VSTM2B: variants seen among roughly 807,000 people sequenced by gnomAD.
The protein encoded by VSTM2B is V-set and transmembrane domain-containing protein 2B.
Under a neutral mutation model 24.0 loss-of-function variants are expected in VSTM2B, and 24 were observed. That is an observed-to-expected ratio of 1.00 (90% CI 0.72 to 1.40). The LOEUF is 1.40. Ranked by LOEUF, VSTM2B falls within the 40% of genes most tolerant of loss-of-function variation. VSTM2B has a pLI of 0.00. For synonymous variants in VSTM2B, 226 were observed against 194.4 expected, an observed-to-expected ratio of 1.16 and a Z score of -1.35; for missense variants, 399 against 416.4, an observed-to-expected ratio of 0.96 and a Z score of 0.36.
At chr19:29,541,702 G>T (rs1285107145) in intron 4 of VSTM2B, among the ~76,000 whole-genome samples, 1 of 151,706 alleles carries the variant, frequency 6.6e-6, no homozygotes, top group East Asian at 1.9e-4. Flanking sequence ...AAGTTGATGG[G>T]TAGTTGGGTG....
At chr19:29,562,709 C>A (rs746587369) in intron 4 of VSTM2B, among the ~76,000 whole-genome samples, 1 of 152,226 alleles carries the variant, frequency 6.6e-6, no homozygotes, top group Non-Finnish European at 1.5e-5. Context: ...CTGGAGGGAG[C>A]ATCCCACTTT....
chr19:29,547,352 T>G (rs1216489430), intron 4 of VSTM2B, among the ~76,000 whole-genome samples: 1 of 152,218 alleles, frequency 6.6e-6, no homozygotes, highest in Non-Finnish European at 1.5e-5. Flanking sequence ...GGAGTAAAAG[T>G]AACTCCTGCC....
intron 4 of VSTM2B, among the ~76,000 whole-genome samples, chr19:29,555,610 T>C (rs896845387): frequency 1.3e-5 from 2 of 152,078 alleles, no homozygotes; most frequent in Admixed American, 6.5e-5. Flanking sequence ...AAAAAATTAA[T>C]GAATCCAGGA....
chr19:29,546,747 G>A (rs995459607), intron 4 of VSTM2B, among the ~76,000 whole-genome samples: 1 of 151,940 alleles, frequency 6.6e-6, no homozygotes, highest in Non-Finnish European at 1.5e-5. Flanking sequence ...TGACCACAGA[G>A]TAAAGGCCTG....
At position 29,530,124 on chromosome 19, in the gene VSTM2B, C is replaced by A. The variant is rs1370722942; in HGVS notation, c.603C>A (p.Ser201Arg). The A allele has an allele frequency of 1.4e-6, 2 of 1,446,016 alleles. No individual in the cohort carries two copies. The highest frequency in any genetic ancestry group is 1.5e-5 in the African/African-American group (1 of 67,214). 89.6% of individuals were successfully genotyped at this position (1,446,016 alleles called of 1,614,324 possible). Reference sequence around the variant, plus strand: ...CCGAGCCCGGCCGCGGCGACAAGAGCCCGCCGCCCGGGAGCCCTCCCGCCG... The same window carrying A: ...CCGAGCCCGGCCGCGGCGACAAGAGACCGCCGCCCGGGAGCCCTCCCGCCG... ...TTSEPGRGDK[S>R]PPPGSPPAAI... Residue 201 changes from serine (S) to arginine (R), a missense_variant, in exon 4 of 5, where the codon AGC (serine) becomes AGA (arginine). Ser to Arg is a moderately radical substitution (Grantham distance 110, BLOSUM62 -1). Coordinates refer to ENST00000335523, the MANE Select transcript of VSTM2B (RefSeq NM_001146339.2).
At chr19:29,549,247 T>C (rs1970217248) in intron 4 of VSTM2B, among the ~76,000 whole-genome samples, 1 of 152,136 alleles carries the variant, frequency 6.6e-6, no homozygotes, top group Non-Finnish European at 1.5e-5. Context: ...GTCCCTGGGC[T>C]CTGTAGAAGA....
intron 4 of VSTM2B, among the ~76,000 whole-genome samples, chr19:29,556,304 C>T (rs1441823261): frequency 6.6e-6 from 1 of 152,150 alleles, no homozygotes; most frequent in Non-Finnish European, 1.5e-5. Flanking sequence ...TCTCAATAGA[C>T]ATAGAAAAGG....
chr19:29,555,977 G>A (rs1038577065), intron 4 of VSTM2B, among the ~76,000 whole-genome samples: 1 of 152,024 alleles, frequency 6.6e-6, no homozygotes, highest in African/African-American at 2.4e-5. Context: ...TCTACTAGAG[G>A]TACAAAGAGG....
At chr19:29,557,571 T>C (rs1217113455) in intron 4 of VSTM2B, among the ~76,000 whole-genome samples, 1 of 152,016 alleles carries the variant, frequency 6.6e-6, no homozygotes, top group Non-Finnish European at 1.5e-5. Context: ...TGGTGGTGGA[T>C]GCCTGTAATC....
intron 4 of VSTM2B, among the ~76,000 whole-genome samples, chr19:29,531,982 G>C (rs1969772182): frequency 2.0e-5 from 3 of 152,224 alleles, no homozygotes; most frequent in South Asian, 2.1e-4. Context: ...CCAGTGAGGA[G>C]AGACAGAAGC....
At chr19:29,538,878 T>G (rs12979650) in intron 4 of VSTM2B, among the ~76,000 whole-genome samples, 8,848 of 151,986 alleles carry the variant, frequency 0.058, 313 homozygotes, top group Middle Eastern at 0.11. Context: ...CCCAGTTACC[T>G]CCCACCGGGA....
intron 4 of VSTM2B, among the ~76,000 whole-genome samples, chr19:29,541,519 A>G (rs770243556): frequency 1.3e-5 from 2 of 151,556 alleles, no homozygotes; most frequent in African/African-American, 4.9e-5. Flanking sequence ...TGAGTGGATG[A>G]GTGGATGAAT....
intron 4 of VSTM2B, among the ~76,000 whole-genome samples, chr19:29,534,952 G>T (rs147358073): frequency 1.1e-4 from 17 of 152,128 alleles, no homozygotes; most frequent in Non-Finnish European, 2.1e-4. Context: ...ATTAGCTACC[G>T]CACAGCCAGG....
chr19:29,528,568 G>A (rs1969644251), intron 3 of VSTM2B, 106 bp downstream of exon 3: 3 of 1,364,102 alleles, frequency 2.2e-6, no homozygotes, highest in African/African-American at 1.5e-5. Flanking sequence ...GTGGGGCCGC[G>A]CAAGTAGGGC....
chr19:29,543,610 G>A (rs79140259), intron 4 of VSTM2B, among the ~76,000 whole-genome samples: 1,928 of 152,332 alleles, frequency 0.013, 37 homozygotes, highest in Non-Finnish European at 0.019. Flanking sequence ...AGGACAAGGA[G>A]CTGAAGCCTG....
chr19:29,541,415 G>A (rs543737599), intron 4 of VSTM2B, among the ~76,000 whole-genome samples: 2 of 152,224 alleles, frequency 1.3e-5, no homozygotes, highest in South Asian at 4.1e-4. Context: ...GGTGAGTGAA[G>A]GGAAGGATGT....
At position 29,526,555 on chromosome 19, in the gene VSTM2B, C is replaced by T. The variant is rs1391990782; in HGVS notation, c.-29C>T. 3 of 1,495,832 alleles carry T rather than the reference C, an allele frequency of 2.0e-6. No homozygotes were observed. Among genetic ancestry groups the T allele is most frequent in the South Asian group, 2.5e-5 (2 of 80,274 alleles). The allele number at this position is 1,495,832 out of a possible 1,614,324, so 92.7% of individuals were successfully genotyped here. ...GGCCGCCGCCTCTCCGCTCCCGGGC[C>T]CCCGCCGCCACCGCGCCCCCCGCGG... is the stretch of plus-strand genomic sequence containing the variant. On this transcript the variant is annotated 5_prime_UTR_variant, in exon 1 of 5. Coordinates refer to ENST00000335523, the MANE Select transcript of VSTM2B (RefSeq NM_001146339.2). The surrounding 1 kb of genome is among the most constrained non-coding windows in gnomAD (Gnocchi z 4.1).
intron 4 of VSTM2B, among the ~76,000 whole-genome samples, chr19:29,541,406 G>C (rs577840003): frequency 4.6e-5 from 7 of 152,288 alleles, no homozygotes; most frequent in Admixed American, 3.9e-4. Context: ...TAGCTGGTGG[G>C]TGAGTGAAGG....
At position 29,527,315 on chromosome 19, in the gene VSTM2B, A is replaced by G. The variant is rs767439077; in HGVS notation, c.187A>G (p.Ile63Val). The change falls in exon 2 of 5, where the codon ATT becomes GTT. Residue 63 changes from isoleucine to valine, a missense_variant. Coordinates refer to ENST00000335523, the MANE Select transcript of VSTM2B (RefSeq NM_001146339.2). ...CGGAGCCACCTCGTATTCGCTGGAG[A>G]TTCAGTGGTGGTACCTCAAGGAGCC... is the stretch of plus-strand genomic sequence containing the variant. ...ASGATSYSLE[I>V]QWWYLKEPPR... The G allele has an allele frequency of 1.7e-5, 26 of 1,550,066 alleles. No homozygotes were observed. The South Asian group carries it at 3.1e-4, about 18-fold the overall frequency.
Sources: gnomAD v4.1 joint callset for allele counts (sites outside exome capture counted in the v4.1 genomes callset) on GRCh38, gnomAD v4.1.1 for gene constraint, Gnocchi (gnomAD v3.1) non-coding constraint, MANE v1.5 for transcripts, NCBI Gene and HGNC (gene_info 2026-07-23, HGNC 2026-07-21) for gene names.